Variants in CPZ observed in about 807,000 individuals in gnomAD.
The protein encoded by CPZ is VEZT/CPZ fusion.
Under a neutral mutation model 61.8 loss-of-function variants are expected in CPZ, and 103 were observed. The ratio of observed to expected loss-of-function variants is 1.67; its 90% CI spans 1.42 to 1.96. The LOEUF (loss-of-function observed/expected upper bound fraction) is 1.96, where lower values mean the gene tolerates loss of function less well. Among genes scored for constraint, CPZ ranks in the 30% most tolerant of loss-of-function variants. The pLI is 0.00. For synonymous variants in CPZ, 551 were observed against 373.7 expected (o/e 1.47, Z -5.47); for missense variants, 1,461 against 914.9 (o/e 1.60, Z -7.70).
At chr4:8,600,432 G>A (rs965256855) in intron 2 of CPZ, among the ~76,000 whole-genome samples, 3 of 152,182 alleles carry the variant, frequency 2.0e-5, no homozygotes, top group East Asian at 1.9e-4. Flanking sequence ...CTGGGGGTGC[G>A]AGTGTGGAGC....
intron 10 of CPZ, 32 bp from the exon 11 acceptor site, chr4:8,619,230 G>A (rs756278604): frequency 4.2e-5 from 66 of 1,561,520 alleles, no homozygotes; most frequent in Admixed American, 5.7e-5. Context: ...TGCAGTCCTC[G>A]TGAGAATCAT....
chr4:8,619,598 G>C lies in CPZ; in HGVS notation c.1940G>C (p.Arg647Pro), dbSNP rs755483835. ...YFTSLSTHRPRWLLKY is the reference protein window; with the variant it reads ...YFTSLSTHRPPWLLKY ...ACATCGCTGAGCACCCACAGGCCAC[G>C]CTGGCTGCTCAAGTACTAGCCCCGG... The change falls in exon 11 of 11, where the codon CGC (arginine) becomes CCC (proline). Residue 647 changes from arginine to proline, a missense_variant. Physicochemically the swap from Arg to Pro is moderately radical, Grantham distance 103. Transcript: ENST00000360986. 1.3e-6 allele frequency: 2 copies of C among 1,507,770 alleles called. No individual in the cohort carries two copies. The allele number at this position is 1,507,770 out of a possible 1,614,324, so 93.4% of individuals were successfully genotyped here.
At chr4:8,614,843 G>A (rs1275901169) in intron 9 of CPZ, among the ~76,000 whole-genome samples, 1 of 152,126 alleles carries the variant, frequency 6.6e-6, no homozygotes, top group African/African-American at 2.4e-5. Context: ...GCTTCCTGGA[G>A]GAGGCAGCCG....
chr4:8,614,525 G>T (rs1433144671), intron 9 of CPZ, 27 bp downstream of exon 9: 1 of 1,608,408 alleles, frequency 6.2e-7, no homozygotes, highest in East Asian at 2.2e-5. Flanking sequence ...TCAGGGCTCT[G>T]GTCCAGCTGT....
chr4:8,609,072 C>CCCATT (rs1553877587), intron 7 of CPZ, among the ~76,000 whole-genome samples: 13 of 112,348 alleles, frequency 1.2e-4, no homozygotes, highest in Non-Finnish European at 2.0e-4. Flanking sequence ...CCCTCACTCA[C>CCCATT]CACTCATACA....
Position 8,614,399 on chromosome 4 carries a change from G to A in CPZ, c.1404G>A (p.Glu468=), listed in dbSNP as rs368340155. Residue 468 remains glutamate, a synonymous_variant, in exon 9 of 11, where the codon GAG becomes GAA. Coordinates refer to ENST00000360986, the MANE Select transcript of CPZ (RefSeq NM_001014447.3). ...DFNYLHTNCF[E]ITVELGCVKF... is the part of the protein sequence containing the mutation. ...ACTACCTGCACACCAACTGCTTTGA[G>A]ATCACGGTAGAGCTGGGCTGTGTGA... The A allele has an allele frequency of 1.9e-6, 3 of 1,613,992 alleles. No homozygotes were observed. The highest frequency in any genetic ancestry group is 2.5e-6 in the Non-Finnish European group (3 of 1,179,928).
At chr4:8,612,205 G>GGGGGGGGGGGGGGGGGGGGGGGGGGGC in intron 8 of CPZ, 43 bp downstream of exon 8, 1 of 202,856 alleles carries the variant, frequency 4.9e-6, no homozygotes, top group Non-Finnish European at 9.6e-6. Context: ...GGTGGGGGGT[G>GGGGGGGGGGGGGGGGGGGGGGGGGGGC]CAGGGGCTGG....
chr4:8,600,993 T>C, intron 2 of CPZ, 130 bp from the exon 3 acceptor site: 1 of 1,421,484 alleles, frequency 7.0e-7, no homozygotes, highest in Non-Finnish European at 9.2e-7. Context: ...GTCCTGGTCC[T>C]CCCCTGCCAG....
intron 8 of CPZ, among the ~76,000 whole-genome samples, chr4:8,613,405 T>G (rs1164166363): frequency 2.0e-5 from 3 of 152,176 alleles, no homozygotes; most frequent in Admixed American, 6.5e-5. Flanking sequence ...GCTGGGATTA[T>G]AGGCGTGAGC....
Position 8,603,969 on chromosome 4 carries a change from C to G in CPZ, c.497-7C>G. 6.2e-7 allele frequency: 1 copy of G among 1,611,484 alleles called. No individual in the cohort carries two copies. The highest frequency in any genetic ancestry group is 1.1e-5 in the South Asian group (1 of 91,026). Reference sequence around the variant, plus strand: ...ACACTGACTGAGCCCCCCCACTGCTCCCCCAGGAGGCCTGGAGGCTGACGA... The same window carrying G: ...ACACTGACTGAGCCCCCCCACTGCTGCCCCAGGAGGCCTGGAGGCTGACGA... On this transcript the variant is annotated splice_region_variant and splice_polypyrimidine_tract_variant and intron_variant, in intron 3 of 10. Coordinates refer to ENST00000360986, the MANE Select transcript of CPZ (RefSeq NM_001014447.3).
At chr4:8,609,062 C>CATA (rs1560297714) in intron 7 of CPZ, among the ~76,000 whole-genome samples, 8,813 of 133,522 alleles carry the variant, frequency 0.066, 720 homozygotes, top group African/African-American at 0.17. Context: ...CTCCCTCACT[C>CATA]CCTCACTCAC....
Position 8,606,108 on chromosome 4 carries a change from C to G in CPZ, c.829C>G (p.Gln277Glu), listed in dbSNP as rs779123601. ...SEYLLGNPRI[Q>E]RLLNTTRIHL... ...GTACCTGCTTGGTAACCCCCGCATCCAGCGCCTGCTCAACACCACCCGCAT... is the reference window on the plus strand; with the variant it reads ...GTACCTGCTTGGTAACCCCCGCATCGAGCGCCTGCTCAACACCACCCGCAT... Residue 277 changes from glutamine to glutamate, a missense_variant, in exon 5 of 11, where the codon CAG becomes GAG. Gln to Glu is a conservative substitution (Grantham distance 29). Transcript: ENST00000360986. The G allele has an allele frequency of 6.8e-6, 11 of 1,614,078 alleles. 1 individual carries two copies. Among genetic ancestry groups the G allele is most frequent in the South Asian group, 5.5e-5 (5 of 91,090 alleles).
chr4:8,601,112 TG>T lies in CPZ; in HGVS notation c.122-10del. On this transcript the variant is annotated splice_polypyrimidine_tract_variant and intron_variant, in intron 2 of 10. Coordinates refer to ENST00000360986, the MANE Select transcript of CPZ (RefSeq NM_001014447.3). The stretch of plus-strand genomic sequence containing the variant: ...GCAGGAGGGACTGACCTGCCGACCC[TG>T]CCTCCCCAGCCACCTGCGTGGACCT... The T allele has an allele frequency of 2.6e-6, 4 of 1,558,656 alleles. No individual in the cohort carries two copies. Among genetic ancestry groups the T allele is most frequent in the Non-Finnish European group, 3.5e-6 (4 of 1,146,566 alleles).
intron 1 of CPZ, among the ~76,000 whole-genome samples, chr4:8,598,265 C>T (rs1438794905): frequency 3.3e-5 from 5 of 152,164 alleles, no homozygotes; most frequent in East Asian, 1.9e-4. Context: ...GTGGGGAAAC[C>T]CAGTCCCAGG....
intron 3 of CPZ, 150 bp downstream of exon 3, chr4:8,601,647 T>C: frequency 1.2e-6 from 1 of 865,914 alleles, no homozygotes; most frequent in Non-Finnish European, 1.6e-6. Context: ...CGAGGCAGCA[T>C]GTTCCCCACA....
rs769198200 is a variant in CPZ at position 8,618,529 on chromosome 4, G to C, written c.1603+1G>C. ...GGCATTCGCCACGACATCACCACAG[G>C]TGAGCACGTCCCTGGCTGTCCCCTG... On this transcript the variant is annotated splice_donor_variant, in intron 10 of 10. Transcript: ENST00000360986. LOFTEE classifies it high-confidence loss of function. 1 of 1,613,242 alleles carries C rather than the reference G, an allele frequency of 6.2e-7. No homozygotes were observed. Among genetic ancestry groups the C allele is most frequent in the African/African-American group, 1.3e-5 (1 of 75,054 alleles).
chr4:8,606,051 C>G lies in CPZ; in HGVS notation c.772C>G (p.Leu258Val), dbSNP rs745815864. 3.1e-6 allele frequency: 5 copies of G among 1,614,084 alleles called. No individual in the cohort carries two copies. Among genetic ancestry groups the G allele is most frequent in the South Asian group, 2.2e-5 (2 of 91,080 alleles). The change falls in exon 5 of 11, where the codon CTC becomes GTC. Residue 258 changes from leucine (L) to valine (V), a missense_variant. By Grantham distance (32) the Leu-to-Val change is conservative. Coordinates refer to ENST00000360986, the MANE Select transcript of CPZ (RefSeq NM_001014447.3). ...HGNEVAGREM[L>V]IYLAQYLCSE... ...CAACGAGGTGGCGGGCCGGGAGATGCTCATCTACCTAGCCCAGTACCTGTG... is the reference window on the plus strand; with the variant it reads ...CAACGAGGTGGCGGGCCGGGAGATGGTCATCTACCTAGCCCAGTACCTGTG...
rs141998267 is a variant in CPZ, at chr4:8,607,339, G to A, written c.1141G>A (p.Gly381Arg). The A allele has an allele frequency of 2.5e-6, 4 of 1,613,996 alleles. No individual in the cohort carries two copies. In the Admixed American group the frequency reaches 5.0e-5, roughly 20 times the overall value. Residue 381 changes from glycine (G) to arginine (R), a missense_variant, in exon 7 of 11, where the codon GGG becomes AGG. Transcript: ENST00000360986. ...CTTTGTGCTCTCAGCCAGCCTTCAT[G>A]GGGGCGACCTGGTGGTGTCCTACCC... ...IPFVLSASLH[G>R]GDLVVSYPFD...
chr4:8,615,060 T>G (rs1716048348), intron 9 of CPZ, among the ~76,000 whole-genome samples: 1 of 151,400 alleles, frequency 6.6e-6, no homozygotes, highest in Non-Finnish European at 1.5e-5. Flanking sequence ...GGGGTAGCTG[T>G]GTGGTTCAGG....
Sources: allele counts gnomAD v4.1 joint callset (sites outside exome capture counted in the v4.1 genomes callset), GRCh38; gene constraint gnomAD v4.1.1; transcripts MANE v1.5; gene names NCBI Gene and HGNC (gene_info 2026-07-23, HGNC 2026-07-21).